Variants in ALMS1 observed in about 807,000 individuals in gnomAD.
ALMS1 encodes centrosome-associated protein ALMS1.
A neutral mutation model predicts 352.2 loss-of-function variants in ALMS1; 271 were observed. That is an observed-to-expected ratio of 0.77 (90% CI 0.70 to 0.85). The LOEUF is 0.85. Ranked by LOEUF, ALMS1 falls within the 40% of genes least tolerant of loss-of-function variation. ALMS1 has a pLI of 0.00. For synonymous variants in ALMS1, 1,865 were observed against 1,761.2 expected (o/e 1.06, Z -1.48); for missense variants, 5,445 against 4,870.7 (o/e 1.12, Z -3.51).
At chr2:73,425,201 G>C (rs1671356291) in intron 5 of ALMS1, among the ~76,000 whole-genome samples, 2 of 152,110 alleles carry the variant, frequency 1.3e-5, no homozygotes, top group Non-Finnish European at 2.9e-5. Context: ...TTTATTTAAG[G>C]GCTCCAGCTG....
intron 11 of ALMS1, among the ~76,000 whole-genome samples, chr2:73,531,749 T>C (rs990842414): frequency 6.6e-6 from 1 of 152,224 alleles, no homozygotes; most frequent in South Asian, 2.1e-4. Context: ...CAGTTCCACA[T>C]GGTTGGGGAG....
intron 21 of ALMS1, chr2:73,603,582 A>G: frequency 5.1e-6 from 2 of 393,584 alleles, no homozygotes; most frequent in Non-Finnish European, 9.6e-6. Context: ...ATTTTAGGCC[A>G]GGTACGGTGG....
intron 2 of ALMS1, among the ~76,000 whole-genome samples, chr2:73,409,264 C>G (rs749822675): frequency 6.6e-6 from 1 of 151,878 alleles, no homozygotes; most frequent in Non-Finnish European, 1.5e-5. Context: ...TCTCAGGACT[C>G]TTATTTTTAT....
chr2:73,484,636 G>A (rs1371959224), intron 9 of ALMS1, among the ~76,000 whole-genome samples: 1 of 151,102 alleles, frequency 6.6e-6, no homozygotes, highest in African/African-American at 2.4e-5. Flanking sequence ...TGCTAGATTG[G>A]GGAAGTTCTC....
Position 73,438,011 on chromosome 2 carries a change from C to T in ALMS1, c.1432+5720C>T, listed in dbSNP as rs139933130. On this transcript the variant is annotated intron_variant, in intron 7 of 22. Transcript: ENST00000613296. ...CTGCCTCCTATGGTTCCTGTTTACT[C>T]GTTCTGTTCCCATGTACAATCCCTG... 3.0e-3 allele frequency among the ~76,000 whole-genome samples: 459 copies of T among 152,262 alleles called. 4 individuals are homozygous for T. Among genetic ancestry groups the T allele is most frequent in the African/African-American group, 1.0e-2 (415 of 41,542 alleles).
chr2:73,572,215 A>G, intron 15 of ALMS1, 47 bp from the exon 16 acceptor site: 4 of 1,482,182 alleles, frequency 2.7e-6, no homozygotes, highest in Non-Finnish European at 3.7e-6. Context: ...TCTAAACAGA[A>G]TGCTAATTTT....
At chr2:73,445,223 GCATT>G (rs1310092172) in intron 7 of ALMS1, among the ~76,000 whole-genome samples, 3 of 152,004 alleles carry the variant, frequency 2.0e-5, no homozygotes, top group Admixed American at 6.6e-5. Flanking sequence ...GTCACCTCAA[GCATT>G]CATTATTTCT....
At chr2:73,596,906 C>T (rs982436087) in intron 16 of ALMS1, among the ~76,000 whole-genome samples, 51 of 140,582 alleles carry the variant, frequency 3.6e-4, no homozygotes, top group African/African-American at 1.3e-3. Flanking sequence ...AACTTTGGCC[C>T]TTGTGGTCCT....
intron 16 of ALMS1, 108 bp from the exon 17 acceptor site, chr2:73,599,293 C>G: frequency 7.0e-7 from 1 of 1,432,224 alleles, no homozygotes; most frequent in Non-Finnish European, 9.7e-7. Context: ...AAATGCATCT[C>G]AACAGTTTGA....
intron 9 of ALMS1, among the ~76,000 whole-genome samples, chr2:73,464,390 C>T (rs1423356772): frequency 1.3e-5 from 2 of 152,206 alleles, no homozygotes; most frequent in South Asian, 2.1e-4. Flanking sequence ...TGACAAAATT[C>T]AACAACCCTT....
chr2:73,460,707 G>T (rs1672173558), intron 9 of ALMS1, among the ~76,000 whole-genome samples: 1 of 152,238 alleles, frequency 6.6e-6, no homozygotes, highest in Non-Finnish European at 1.5e-5. Context: ...AGGGGTGACA[G>T]ACGGCACCTG....
At chr2:73,484,968 A>T (rs1388718673) in intron 9 of ALMS1, among the ~76,000 whole-genome samples, 4 of 151,956 alleles carry the variant, frequency 2.6e-5, no homozygotes, top group African/African-American at 4.8e-5. Context: ...TTCTAGTTAC[A>T]CATTCTTCTA....
intron 10 of ALMS1, among the ~76,000 whole-genome samples, chr2:73,498,163 G>A (rs577005728): frequency 5.3e-5 from 8 of 151,738 alleles, no homozygotes; most frequent in South Asian, 2.1e-4. Context: ...AACCTTCAGT[G>A]AGTTACTTTT....
At chr2:73,508,073 G>GC (rs1673369506) in intron 10 of ALMS1, among the ~76,000 whole-genome samples, 1 of 151,992 alleles carries the variant, frequency 6.6e-6, no homozygotes, top group African/African-American at 2.4e-5. Context: ...TAGTTTCCAT[G>GC]TAGTTGTGCG....
intron 11 of ALMS1, among the ~76,000 whole-genome samples, chr2:73,531,524 C>T (rs7573464): frequency 0.03 from 4,513 of 152,276 alleles, 257 homozygotes; most frequent in African/African-American, 0.1. Flanking sequence ...CTAGAATGTT[C>T]CAGACTTTCC....
Position 73,589,521 on chromosome 2 carries a change from T to C in ALMS1, c.11548-9880T>C, listed in dbSNP as rs1452975684. Among the ~76,000 whole-genome samples, 3 of 152,344 alleles carry C rather than the reference T, an allele frequency of 2.0e-5. No homozygotes were observed. In the East Asian group the frequency reaches 5.8e-4, roughly 29 times the overall value. On this transcript the variant is annotated intron_variant, in intron 16 of 22. Coordinates refer to ENST00000613296, the MANE Select transcript of ALMS1 (RefSeq NM_001378454.1). ...CTGTCTCCCCATAGGAAACCAGTCT[T>C]ATGTAAATATCTTTCAGGTTACATG...
intron 10 of ALMS1, among the ~76,000 whole-genome samples, chr2:73,499,721 G>A (rs1222613474): frequency 1.3e-5 from 2 of 152,090 alleles, no homozygotes; most frequent in African/African-American, 4.8e-5. Context: ...TTGATCCCCA[G>A]CATTAGAGGT....
At chr2:73,416,709 A>G (rs1671187566) in intron 2 of ALMS1, among the ~76,000 whole-genome samples, 1 of 152,380 alleles carries the variant, frequency 6.6e-6, no homozygotes, top group East Asian at 1.9e-4. Context: ...TACTTACAAA[A>G]TAATGAAAAT....
At chr2:73,571,956 C>G (rs1486311831) in intron 15 of ALMS1, among the ~76,000 whole-genome samples, 1 of 151,840 alleles carries the variant, frequency 6.6e-6, no homozygotes, top group African/African-American at 2.4e-5. Context: ...CTACACAGAA[C>G]AGGTGGTAAA....
Sources: gnomAD v4.1 joint callset for allele counts (sites outside exome capture counted in the v4.1 genomes callset) on GRCh38, gnomAD v4.1.1 for gene constraint, MANE v1.5 for transcripts, NCBI Gene and HGNC (gene_info 2026-07-23, HGNC 2026-07-21) for gene names.